Variants in WDR76 observed in about 807,000 individuals in gnomAD.
WDR76 encodes the protein WD repeat-containing protein 76.
Under a neutral mutation model 70.2 loss-of-function variants are expected in WDR76, and 52 were observed. That is an observed-to-expected ratio of 0.74 (90% CI 0.59 to 0.93). The LOEUF is 0.93. WDR76 is among the 40% of genes least tolerant of loss of function. The probability of loss-of-function intolerance (pLI) is 0.00; values close to 1 mark genes in which losing one functional copy is unlikely to be tolerated. For synonymous variants in WDR76, 292 were observed against 271.1 expected (o/e 1.08, Z -0.76); for missense variants, 756 against 760.2 (o/e 0.99, Z 0.07).
intron 2 of WDR76, among the ~76,000 whole-genome samples, chr15:43,830,641 T>C (rs1033146642): frequency 6.8e-6 from 1 of 148,006 alleles, no homozygotes; most frequent in Non-Finnish European, 1.5e-5. Context: ...ATGAAATAGG[T>C]CCATTAATAG....
chr15:43,844,120 G>T (rs1231735771), intron 8 of WDR76, 66 bp downstream of exon 8: 1 of 1,442,032 alleles, frequency 6.9e-7, no homozygotes, highest in African/African-American at 1.4e-5. Flanking sequence ...AAGAGAATAG[G>T]CTAGAGCCAT....
At chr15:43,846,341 A>G (rs1356619510) in intron 8 of WDR76, among the ~76,000 whole-genome samples, 3 of 147,786 alleles carry the variant, frequency 2.0e-5, no homozygotes, top group Non-Finnish European at 4.5e-5. Flanking sequence ...GCTGGAGTGC[A>G]GTGGCATGAT....
intron 8 of WDR76, 98 bp downstream of exon 8, chr15:43,844,152 GACTT>G: frequency 8.6e-7 from 1 of 1,168,030 alleles, no homozygotes; most frequent in Non-Finnish European, 1.1e-6. Context: ...TGTTGCGTGA[GACTT>G]ACAATTTTGG....
intron 4 of WDR76, among the ~76,000 whole-genome samples, chr15:43,838,295 C>T (rs1429794528): frequency 2.6e-5 from 4 of 152,234 alleles, no homozygotes; most frequent in Non-Finnish European, 5.9e-5. Context: ...AAGCAATTCT[C>T]ATGCCTCAGC....
At chr15:43,828,671 C>G (rs1006588169) in intron 2 of WDR76, among the ~76,000 whole-genome samples, 2 of 152,144 alleles carry the variant, frequency 1.3e-5, no homozygotes, top group East Asian at 1.9e-4. Flanking sequence ...TGGTGCCTTT[C>G]TCACCTTTAC....
chr15:43,850,444 G>C (rs971115569), intron 8 of WDR76, among the ~76,000 whole-genome samples: 1 of 151,664 alleles, frequency 6.6e-6, no homozygotes, highest in Non-Finnish European at 1.5e-5. Flanking sequence ...TACAGGTGCC[G>C]GCCACCACGC....
intron 9 of WDR76, among the ~76,000 whole-genome samples, chr15:43,856,518 T>A (rs2087928636): frequency 2.6e-5 from 4 of 152,174 alleles, no homozygotes; most frequent in African/African-American, 9.7e-5. Flanking sequence ...AGATTTGGGA[T>A]GTAGCCCTGA....
chr15:43,861,320 C>G lies in WDR76; in HGVS notation c.1563-13C>G. 2 of 1,600,046 alleles carry G rather than the reference C, an allele frequency of 1.2e-6. No homozygotes were observed. The highest frequency in any genetic ancestry group is 1.1e-5 in the South Asian group (1 of 90,656). ...AAGTAACAAAAGAATGTCTTACTCT[C>G]TTTATTTTGCAGAATTTTTGACAGC... On this transcript the variant is annotated splice_polypyrimidine_tract_variant and intron_variant, in intron 11 of 12. Coordinates refer to ENST00000263795, the MANE Select transcript of WDR76 (RefSeq NM_024908.4).
intron 11 of WDR76, among the ~76,000 whole-genome samples, chr15:43,860,371 G>C (rs952902679): frequency 3.0e-4 from 45 of 152,290 alleles, no homozygotes; most frequent in African/African-American, 1.1e-3. Context: ...ACTTTTAGGT[G>C]ATTTGTACAT....
At chr15:43,847,295 C>T (rs974239389) in intron 8 of WDR76, among the ~76,000 whole-genome samples, 4 of 151,824 alleles carry the variant, frequency 2.6e-5, no homozygotes, top group African/African-American at 4.8e-5. Context: ...GAATCTTGCT[C>T]TGTCACCCAG....
At chr15:43,847,606 A>G (rs550755484) in intron 8 of WDR76, among the ~76,000 whole-genome samples, 1 of 152,158 alleles carries the variant, frequency 6.6e-6, no homozygotes, top group South Asian at 2.1e-4. Context: ...TTTTTTTAGT[A>G]GAGATGGGGT....
At chr15:43,834,998 T>A in intron 2 of WDR76, 63 bp from the exon 3 acceptor site, 1 of 1,368,158 alleles carries the variant, frequency 7.3e-7, no homozygotes, top group Non-Finnish European at 1.0e-6. Context: ...ACATGTAGTT[T>A]TGTGAAGTGC....
chr15:43,829,798 G>A (rs2087564748), intron 2 of WDR76, among the ~76,000 whole-genome samples: 1 of 151,910 alleles, frequency 6.6e-6, no homozygotes, highest in South Asian at 2.1e-4. Context: ...GAGCCACCGC[G>A]CCTGGCCTAG....
chr15:43,853,269 C>T (rs1039956859), intron 9 of WDR76, among the ~76,000 whole-genome samples: 16 of 152,232 alleles, frequency 1.1e-4, no homozygotes, highest in African/African-American at 3.6e-4. Flanking sequence ...CGGCTCACCG[C>T]AGCCTCTGCC....
At position 43,842,516 on chromosome 15, in the gene WDR76, G is replaced by T. The variant is rs2087737527; in HGVS notation, c.834G>T (p.Lys278Asn). The change falls in exon 6 of 13, where the codon AAG becomes AAT. Residue 278 changes from lysine (K) to asparagine (N), a missense_variant and splice_region_variant. Transcript: ENST00000263795. ...GFLHTWAGMS[K>N]PSSKNTEKGL... ...TGCACACATGGGCAGGAATGAGCAAGGTATCACTTGGGAAGGCCAATAGCC... is the reference window on the plus strand; with the variant it reads ...TGCACACATGGGCAGGAATGAGCAATGTATCACTTGGGAAGGCCAATAGCC... The T allele has an allele frequency of 6.2e-7, 1 of 1,613,248 alleles. No individual in the cohort carries two copies. Among genetic ancestry groups the T allele is most frequent in the African/African-American group, 1.3e-5 (1 of 74,898 alleles).
At chr15:43,835,491 A>T (rs1387758607) in intron 3 of WDR76, among the ~76,000 whole-genome samples, 1 of 14,796 alleles carries the variant, frequency 6.8e-5, no homozygotes, top group African/African-American at 7.5e-5. Flanking sequence ...CCTGTCTCAA[A>T]ACAGCAACAA....
Position 43,828,284 on chromosome 15 carries a change from G to A in WDR76, c.380G>A (p.Arg127Lys). 4.3e-6 allele frequency: 7 copies of A among 1,614,168 alleles called. No individual in the cohort carries two copies. The highest frequency in any genetic ancestry group is 5.9e-6 in the Non-Finnish European group (7 of 1,180,038). The change falls in exon 2 of 13, where the codon AGA (arginine) becomes AAA (lysine). Residue 127 changes from arginine (R) to lysine (K), a missense_variant. Transcript: ENST00000263795. The stretch of plus-strand genomic sequence containing the variant: ...GAAAGTAACAAGCTACAACCCAAGA[G>A]AACGGCAGATGCGATGAATCTCAGT... ...HTESNKLQPK[R>K]TADAMNLSVD...
intron 10 of WDR76, among the ~76,000 whole-genome samples, chr15:43,858,317 C>T (rs1055498269): frequency 1.0e-4 from 14 of 137,058 alleles, no homozygotes; most frequent in Non-Finnish European, 1.7e-4. Context: ...TGCAATGGCG[C>T]GATCTCGGCT....
intron 8 of WDR76, among the ~76,000 whole-genome samples, chr15:43,850,307 A>C (rs1400720102): frequency 7.2e-6 from 1 of 137,936 alleles, no homozygotes; most frequent in African/African-American, 2.6e-5. Flanking sequence ...ATTTTATTTT[A>C]TTTTTTGAGA....
Sources: gnomAD v4.1 joint callset for allele counts (sites outside exome capture counted in the v4.1 genomes callset) on GRCh38, gnomAD v4.1.1 for gene constraint, MANE v1.5 for transcripts, NCBI Gene and HGNC (gene_info 2026-07-23, HGNC 2026-07-21) for gene names.